TCF7L2: variants seen among roughly 807,000 people sequenced by gnomAD.
The protein encoded by TCF7L2 is transcription factor 7 like 2, also known as transcription factor 7-like 2.
A neutral mutation model predicts 77.9 loss-of-function variants in TCF7L2; 23 were observed. The ratio of observed to expected loss-of-function variants is 0.30; its 90% CI spans 0.21 to 0.42. The LOEUF (loss-of-function observed/expected upper bound fraction) is 0.42, where lower values mean the gene tolerates loss of function less well. TCF7L2 is among the 10% of genes least tolerant of loss of function. The pLI, the probability that TCF7L2 is intolerant of heterozygous loss-of-function variation, is 1.00. For synonymous variants in TCF7L2, 413 were observed against 340.2 expected, an observed-to-expected ratio of 1.21 and a Z score of -2.36; for missense variants, 654 against 793.1, an observed-to-expected ratio of 0.82 and a Z score of 2.11.
chr10:113,107,956 C>T (rs756760263), intron 5 of TCF7L2, among the ~76,000 whole-genome samples: 4 of 151,792 alleles, frequency 2.6e-5, no homozygotes, highest in Non-Finnish European at 5.9e-5. Flanking sequence ...AGCAGTGAAC[C>T]CTAGTAAAAA....
chr10:113,004,902 G>A (rs10787471), intron 4 of TCF7L2, among the ~76,000 whole-genome samples: 79,025 of 151,920 alleles, frequency 0.52, 23,283 homozygotes, highest in African/African-American at 0.79. Flanking sequence ...ACAAACTCCC[G>A]ACCTCAGGCA....
chr10:113,109,240 C>A (rs963400312), intron 5 of TCF7L2, among the ~76,000 whole-genome samples: 1 of 152,188 alleles, frequency 6.6e-6, no homozygotes, highest in Admixed American at 6.5e-5. Flanking sequence ...GGTCAGAAGA[C>A]CTGAGCTCAA....
intron 5 of TCF7L2, among the ~76,000 whole-genome samples, chr10:113,087,544 C>A (rs2059954912): frequency 6.6e-6 from 1 of 152,332 alleles, no homozygotes; most frequent in East Asian, 1.9e-4. Flanking sequence ...TGGACTCATG[C>A]TTGCCGAATG....
chr10:113,158,851 G>C, intron 12 of TCF7L2, 134 bp downstream of exon 13: 1 of 732,942 alleles, frequency 1.4e-6, no homozygotes, highest in Non-Finnish European at 2.0e-6. Flanking sequence ...ACACGGTTTC[G>C]TATGTTTCAG....
At chr10:112,954,502 G>T (rs888538122) in intron 3 of TCF7L2, among the ~76,000 whole-genome samples, 36 of 152,144 alleles carry the variant, frequency 2.4e-4, no homozygotes, top group African/African-American at 8.0e-4. Context: ...AAAGATTTCT[G>T]CATAATATTA....
At chr10:113,128,928 G>A (rs2066101410) in intron 5 of TCF7L2, among the ~76,000 whole-genome samples, 2 of 152,080 alleles carry the variant, frequency 1.3e-5, no homozygotes, top group Admixed American at 1.3e-4. Context: ...TCCCTCTGCC[G>A]TTTCCCTTCC....
chr10:113,052,189 A>C (rs865953328), intron 5 of TCF7L2, among the ~76,000 whole-genome samples: 3 of 152,138 alleles, frequency 2.0e-5, no homozygotes, highest in Admixed American at 6.5e-5. Context: ...GTGTTGATCC[A>C]AGGACTCTGA....
chr10:113,058,701 TGTGTGTGTGC>T (rs1010405698), intron 5 of TCF7L2, among the ~76,000 whole-genome samples: 37 of 152,104 alleles, frequency 2.4e-4, no homozygotes, highest in African/African-American at 6.8e-4. Context: ...GAGCTGTGTG[TGTGTGTGTGC>T]GTGTGTGTGC....
intron 4 of TCF7L2, among the ~76,000 whole-genome samples, chr10:112,989,926 G>C (rs980273662): frequency 1.3e-5 from 2 of 152,130 alleles, no homozygotes; most frequent in African/African-American, 4.8e-5. Flanking sequence ...GGAGGGTGGT[G>C]GGCAGAAGGC....
At chr10:113,147,104 G>A (rs1489146713) in intron 8 of TCF7L2, among the ~76,000 whole-genome samples, 1 of 152,140 alleles carries the variant, frequency 6.6e-6, no homozygotes, top group East Asian at 1.9e-4. Context: ...TCTAATGATA[G>A]TTTTATTTTC....
At chr10:113,031,549 A>T (rs933187239) in intron 4 of TCF7L2, among the ~76,000 whole-genome samples, 3 of 147,012 alleles carry the variant, frequency 2.0e-5, no homozygotes, top group Non-Finnish European at 4.4e-5. Context: ...GTGCAGTTGC[A>T]CAATCTTGGC....
chr10:113,084,747 C>A (rs1038385478), intron 5 of TCF7L2, among the ~76,000 whole-genome samples: 1 of 151,872 alleles, frequency 6.6e-6, no homozygotes, highest in Non-Finnish European at 1.5e-5. Context: ...AAAATACAAA[C>A]ATTAGCCGGG....
intron 4 of TCF7L2, among the ~76,000 whole-genome samples, chr10:112,973,098 C>T (rs1254847539): frequency 6.6e-6 from 1 of 152,184 alleles, no homozygotes; most frequent in Non-Finnish European, 1.5e-5. Context: ...CTGGGTTCTA[C>T]TCCTTGGAGA....
chr10:113,104,426 G>C (rs1366712762), intron 5 of TCF7L2, among the ~76,000 whole-genome samples: 1 of 152,158 alleles, frequency 6.6e-6, no homozygotes, highest in Non-Finnish European at 1.5e-5. Flanking sequence ...TTTAATAGAT[G>C]TCATCTGGAC....
At chr10:113,017,434 T>G (rs568857649) in intron 4 of TCF7L2, among the ~76,000 whole-genome samples, 88 of 152,334 alleles carry the variant, frequency 5.8e-4, no homozygotes, top group African/African-American at 2.1e-3. Flanking sequence ...TCGGGTGGAC[T>G]TTTCACCTGC....
intron 4 of TCF7L2, 70 bp downstream of exon 4, chr10:112,964,694 C>G (rs996357509): frequency 7.6e-7 from 1 of 1,316,490 alleles, no homozygotes; most frequent in Non-Finnish European, 1.1e-6. Context: ...TTATTCTCCG[C>G]CCCTTCCCCC....
chr10:113,009,815 C>A (rs1040082722), intron 4 of TCF7L2, among the ~76,000 whole-genome samples: 7 of 152,116 alleles, frequency 4.6e-5, no homozygotes, highest in African/African-American at 1.7e-4. Flanking sequence ...TGAAGACAAC[C>A]CGGTGAGTCT....
chr10:113,113,161 C>T (rs1270791994), intron 5 of TCF7L2, among the ~76,000 whole-genome samples: 1 of 152,160 alleles, frequency 6.6e-6, no homozygotes, highest in South Asian at 2.1e-4. Context: ...CCAACCCGGT[C>T]TGCCTTGTCA....
chr10:113,144,102 G>C (rs1324062571), intron 7 of TCF7L2, 77 bp downstream of exon 7: 25 of 27,144 alleles, frequency 9.2e-4, no homozygotes, highest in Non-Finnish European at 1.5e-3. Flanking sequence ...GTGTGTGTCT[G>C]TGTGTGTGTG....
Sources: gnomAD v4.1 joint callset for allele counts (sites outside exome capture counted in the v4.1 genomes callset) on GRCh38, gnomAD v4.1.1 for gene constraint, MANE v1.5 for transcripts, NCBI Gene and HGNC (gene_info 2026-07-23, HGNC 2026-07-21) for gene names.